The following UNC45B variants were observed in gnomAD, a reference collection of about 807,000 sequenced individuals.
UNC45B encodes the protein unc-45 myosin chaperone B.
In UNC45B, 78 loss-of-function variants were observed where a neutral mutation model predicts 98.7. The ratio of observed to expected loss-of-function variants is 0.79; its 90% CI spans 0.66 to 0.95. The LOEUF (loss-of-function observed/expected upper bound fraction) is 0.95. Ranked by LOEUF, UNC45B falls within the 40% of genes least tolerant of loss-of-function variation. UNC45B has a pLI of 0.00. For synonymous variants in UNC45B, 462 were observed against 480.4 expected (o/e 0.96, Z 0.50); for missense variants, 1,225 against 1,184.9 (o/e 1.03, Z -0.50).
chr17:35,149,986 G>GT, intron 3 of UNC45B, 62 bp from the exon 4 acceptor site: 1 of 1,484,160 alleles, frequency 6.7e-7, no homozygotes, highest in Non-Finnish European at 9.0e-7. Flanking sequence ...AGTTGGGGCA[G>GT]TGGGGCTGGT....
intron 17 of UNC45B, among the ~76,000 whole-genome samples, chr17:35,180,256 G>GAGAC (rs2092264193): frequency 1.1e-5 from 1 of 92,484 alleles, no homozygotes; most frequent in South Asian, 3.6e-4. Flanking sequence ...TCCAGGATGA[G>GAGAC]AGAGAGAGAG....
At chr17:35,171,020 T>C (rs1159858648) in intron 12 of UNC45B, among the ~76,000 whole-genome samples, 1 of 151,874 alleles carries the variant, frequency 6.6e-6, no homozygotes, top group African/African-American at 2.4e-5. Flanking sequence ...TCCCACCCCA[T>C]CTCCAGTTGG....
At chr17:35,176,858 T>C (rs1408168894) in intron 15 of UNC45B, among the ~76,000 whole-genome samples, 159 bp from the exon 16 acceptor site, 1 of 152,144 alleles carries the variant, frequency 6.6e-6, no homozygotes, top group Non-Finnish European at 1.5e-5. Flanking sequence ...GAATATGTGA[T>C]TAAGGATTTA....
intron 12 of UNC45B, 104 bp downstream of exon 12, chr17:35,170,359 A>C: frequency 7.6e-7 from 1 of 1,321,222 alleles, no homozygotes; most frequent in Non-Finnish European, 1.0e-6. Flanking sequence ...TCTACTCCTT[A>C]CCCCTGTATA....
chr17:35,179,124 GA>G, intron 17 of UNC45B, among the ~76,000 whole-genome samples: 1 of 152,310 alleles, frequency 6.6e-6, no homozygotes, highest in South Asian at 2.1e-4. Flanking sequence ...GAATGGCATT[GA>G]ATCCATAAAC....
In UNC45B at chr17:35,154,728, G is replaced by C; in HGVS notation, c.626G>C (p.Gly209Ala). 6.3e-7 allele frequency: 1 copy of C among 1,589,512 alleles called. No homozygotes were observed. The highest frequency in any genetic ancestry group is 8.5e-7 in the Non-Finnish European group (1 of 1,171,478). Residue 209 changes from glycine (G) to alanine (A), a missense_variant, in exon 6 of 20, where the codon GGC becomes GCC. Transcript: ENST00000394570. ...CGGACCCTGTCGGGCATGTGCAGCG[G>C]CCACCAAGCCAGAGTAAGTGCCCGG... Reference protein sequence around the residue: ...AVRTLSGMCSGHQARATVILH... With the variant: ...AVRTLSGMCSAHQARATVILH...
At chr17:35,166,542 G>A (rs1420674116) in intron 9 of UNC45B, among the ~76,000 whole-genome samples, 2 of 152,182 alleles carry the variant, frequency 1.3e-5, no homozygotes, top group Non-Finnish European at 2.9e-5. Context: ...GAGAGGAGGG[G>A]TCACTGCCTT....
At chr17:35,159,301 C>A in intron 7 of UNC45B, 74 bp from the exon 8 acceptor site, 1 of 1,372,914 alleles carries the variant, frequency 7.3e-7, no homozygotes, top group South Asian at 1.4e-5. Context: ...AGTCTAGAAG[C>A]TGCTGCTCTT....
chr17:35,155,408 C>T lies in UNC45B; in HGVS notation c.752C>T (p.Ser251Phe), dbSNP rs777380845. 1.9e-6 allele frequency: 3 copies of T among 1,614,026 alleles called. No homozygotes were observed. Among genetic ancestry groups the T allele is most frequent in the Non-Finnish European group, 2.5e-6 (3 of 1,180,030 alleles). ...AACCTGCTCCAAGCCATCATTGACTCCTTGTCTGGGGAGGACAAGCGGGAG... is the reference window on the plus strand; with the variant it reads ...AACCTGCTCCAAGCCATCATTGACTTCTTGTCTGGGGAGGACAAGCGGGAG... ...VCNLLQAIIDSLSGEDKREHR... is the reference protein window; with the variant it reads ...VCNLLQAIIDFLSGEDKREHR... The change falls in exon 7 of 20, where the codon TCC becomes TTC. Residue 251 changes from serine to phenylalanine, a missense_variant. Transcript: ENST00000394570.
chr17:35,150,871 A>T (rs2092013076), intron 4 of UNC45B, among the ~76,000 whole-genome samples: 1 of 151,608 alleles, frequency 6.6e-6, no homozygotes, highest in Admixed American at 6.6e-5. Flanking sequence ...ATGGGAATTG[A>T]AGACATCGAT....
intron 10 of UNC45B, 35 bp downstream of exon 10, chr17:35,168,396 C>T (rs540263067): frequency 5.3e-5 from 70 of 1,312,354 alleles, no homozygotes; most frequent in Admixed American, 9.1e-5. Context: ...CTACTCAGTA[C>T]AAGGTGCCAT....
intron 17 of UNC45B, among the ~76,000 whole-genome samples, chr17:35,177,811 C>CT (rs1190162203): frequency 1.3e-5 from 2 of 151,696 alleles, no homozygotes; most frequent in African/African-American, 2.4e-5. Flanking sequence ...TTTTTCTTTT[C>CT]TTTTTTTTCT....
In UNC45B at chr17:35,186,497, C is replaced by T. The variant is rs1355856630; in HGVS notation, c.2728C>T (p.Gln910Ter). The T allele has an allele frequency of 1.9e-6, 3 of 1,614,086 alleles. No homozygotes were observed. In the African/African-American group the frequency reaches 4.0e-5, roughly 22 times the overall value. The change falls in exon 20 of 20, where the codon CAG becomes TAG. Residue 910 changes from glutamine (Q) to a stop codon, truncating the protein, a stop_gained. Transcript: ENST00000394570. LOFTEE classifies it high-confidence loss of function. ...EPDEKKAEVVQTARECLIKCM... is the reference protein window; with the variant it reads ...EPDEKKAEVV ...AGATGAGAAGAAGGCAGAAGTGGTT[C>T]AGACAGCCCGAGAATGTCTCATCAA... is the stretch of plus-strand genomic sequence containing the variant.
intron 17 of UNC45B, among the ~76,000 whole-genome samples, chr17:35,178,609 T>C (rs968660180): frequency 6.6e-6 from 1 of 152,360 alleles, no homozygotes; most frequent in South Asian, 2.1e-4. Context: ...ATGAAGTCTT[T>C]GCCCATGCCT....
chr17:35,167,069 C>G (rs2092146196), intron 9 of UNC45B: 2 of 152,338 alleles, frequency 1.3e-5, no homozygotes, highest in South Asian at 4.1e-4. Flanking sequence ...ATCTAGCCCA[C>G]ATGCTCACCA....
At chr17:35,183,024 C>T (rs549596523) in intron 18 of UNC45B, among the ~76,000 whole-genome samples, 1 of 151,946 alleles carries the variant, frequency 6.6e-6, no homozygotes, top group African/African-American at 2.4e-5. Flanking sequence ...CCTGCTTCTG[C>T]CCCAGTCCCT....
chr17:35,186,086 T>C (rs923462209), intron 19 of UNC45B, among the ~76,000 whole-genome samples: 2 of 152,200 alleles, frequency 1.3e-5, no homozygotes, highest in African/African-American at 4.8e-5. Context: ...GTGGCTCTCA[T>C]GATTACTAGT....
chr17:35,159,646 A>T, intron 8 of UNC45B, 101 bp downstream of exon 8: 1 of 1,336,094 alleles, frequency 7.5e-7, no homozygotes, highest in Non-Finnish European at 1.0e-6. Context: ...AGGGGTCTTC[A>T]GTTCTAACTG....
intron 13 of UNC45B, among the ~76,000 whole-genome samples, chr17:35,172,284 C>G (rs1357081548): frequency 6.6e-6 from 1 of 152,116 alleles, no homozygotes; most frequent in Admixed American, 6.5e-5. Flanking sequence ...GAGTCTTGCT[C>G]TGTCACCCAG....
Sources: allele counts gnomAD v4.1 joint callset (sites outside exome capture counted in the v4.1 genomes callset), GRCh38; gene constraint gnomAD v4.1.1; transcripts MANE v1.5; gene names NCBI Gene and HGNC (gene_info 2026-07-23, HGNC 2026-07-21).